Variants in ITIH2 observed in about 807,000 individuals in gnomAD.
ITIH2 encodes inter-alpha-trypsin inhibitor heavy chain 2.
A neutral mutation model predicts 104.4 loss-of-function variants in ITIH2; 103 were observed. That is an observed-to-expected ratio of 0.99 (90% CI 0.84 to 1.16). The LOEUF is 1.16. Among genes scored for constraint, ITIH2 ranks in the 50% most tolerant of loss-of-function variants. The probability of loss-of-function intolerance (pLI) is 0.00; values close to 1 mark genes in which losing one functional copy is unlikely to be tolerated. For synonymous variants in ITIH2, 436 were observed against 435.4 expected, an observed-to-expected ratio of 1.00 and a Z score of -0.02; for missense variants, 1,108 against 1,162.4, an observed-to-expected ratio of 0.95 and a Z score of 0.68.
intron 10 of ITIH2, 41 bp from the exon 11 acceptor site, chr10:7,727,662 C>T (rs373326533): frequency 1.7e-5 from 28 of 1,604,494 alleles, no homozygotes; most frequent in East Asian, 2.2e-5. Flanking sequence ...CTGCGTGTGG[C>T]GAGAACGCAT....
intron 2 of ITIH2, 112 bp from the exon 3 acceptor site, chr10:7,707,089 G>A (rs1206769131): frequency 1.5e-6 from 1 of 648,016 alleles, no homozygotes; most frequent in Non-Finnish European, 2.8e-6. Flanking sequence ...ATGAATAACA[G>A]CTCAGTATTG....
intron 19 of ITIH2, among the ~76,000 whole-genome samples, 174 bp downstream of exon 19, chr10:7,745,137 C>A (rs1207717035): frequency 6.6e-6 from 1 of 152,090 alleles, no homozygotes; most frequent in Non-Finnish European, 1.5e-5. Flanking sequence ...TTTTGCCATT[C>A]CAGACAAGGT....
At chr10:7,705,206 AG>A in intron 2 of ITIH2, 24 bp downstream of exon 2, 4 of 1,497,198 alleles carry the variant, frequency 2.7e-6, no homozygotes, top group Middle Eastern at 1.7e-4. Flanking sequence ...TACTCCCAAA[AG>A]GGGGAAAAAA....
chr10:7,737,672 C>G (rs62651618), intron 15 of ITIH2, among the ~76,000 whole-genome samples: 11 of 26,194 alleles, frequency 4.2e-4, no homozygotes, highest in South Asian at 3.0e-3. Context: ...ATATTATATT[C>G]TATATTTTCT....
chr10:7,721,653 A>C lies in ITIH2; in HGVS notation c.743A>C (p.His248Pro), dbSNP rs1834904163. 6.2e-7 allele frequency: 1 copy of C among 1,613,558 alleles called. No homozygotes were observed. Among genetic ancestry groups the C allele is most frequent in the Non-Finnish European group, 8.5e-7 (1 of 1,179,740 alleles). ...PVISKGQQKA[H>P]VSFKPTVAQQ... ...TGATGTCACCGTTCTTTCTAGGCGCACGTCTCCTTCAAGCCCACGGTAGCA... is the reference window on the plus strand; with the variant it reads ...TGATGTCACCGTTCTTTCTAGGCGCCCGTCTCCTTCAAGCCCACGGTAGCA... The change falls in exon 8 of 21, where the codon CAC (histidine) becomes CCC (proline). Residue 248 changes from histidine to proline, a missense_variant. His to Pro is a moderately conservative substitution (Grantham distance 77). Transcript: ENST00000358415.
intron 15 of ITIH2, among the ~76,000 whole-genome samples, chr10:7,735,322 C>A (rs1233235703): frequency 6.6e-6 from 1 of 152,136 alleles, no homozygotes; most frequent in East Asian, 1.9e-4. Context: ...ACCTGCGTAC[C>A]CCTTCCAACA....
chr10:7,742,016 T>G (rs1835128967), intron 16 of ITIH2, among the ~76,000 whole-genome samples: 1 of 152,212 alleles, frequency 6.6e-6, no homozygotes, highest in African/African-American at 2.4e-5. Flanking sequence ...ATTTTCATCT[T>G]CATTCTCACA....
intron 9 of ITIH2, among the ~76,000 whole-genome samples, chr10:7,724,141 A>C (rs986709064): frequency 1.6e-4 from 25 of 152,204 alleles, no homozygotes; most frequent in African/African-American, 5.3e-4. Context: ...AGACCAAACA[A>C]GGAAATGATT....
At chr10:7,732,579 C>G in intron 14 of ITIH2, 102 bp downstream of exon 14, 2 of 1,251,652 alleles carry the variant, frequency 1.6e-6, no homozygotes, top group South Asian at 2.8e-5. Flanking sequence ...GCAAGAAAGA[C>G]AGCACATTAG....
intron 16 of ITIH2, among the ~76,000 whole-genome samples, chr10:7,742,638 G>A (rs1048288019): frequency 9.9e-5 from 15 of 152,152 alleles, no homozygotes; most frequent in African/African-American, 3.4e-4. Context: ...CAGCTACTCA[G>A]GAGGCTGAGC....
chr10:7,717,333 T>C (rs776562722), intron 5 of ITIH2, among the ~76,000 whole-genome samples: 1 of 152,188 alleles, frequency 6.6e-6, no homozygotes, highest in Non-Finnish European at 1.5e-5. Context: ...ATGATAGATG[T>C]CAAATTCCTG....
rs1353447621 is a variant in ITIH2, at chr10:7,744,149, T to A, written c.2277T>A (p.Phe759Leu). 6.2e-7 allele frequency: 1 copy of A among 1,614,110 alleles called. No individual in the cohort carries two copies. The highest frequency in any genetic ancestry group is 1.1e-5 in the South Asian group (1 of 91,074). The part of the protein sequence containing the change: ...KPNNGKLSTY[F>L]GKLGFYFQSE... ...ACAATGGAAAACTAAGCACCTATTT[T>A]GGAAAACTGGGATTTTATTTCCAAA... The change falls in exon 18 of 21, where the codon TTT (phenylalanine) becomes TTA (leucine). Residue 759 changes from phenylalanine to leucine, a missense_variant. Phe to Leu is a conservative substitution (Grantham distance 22). Transcript: ENST00000358415.
At chr10:7,730,750 G>A (rs753613639) in intron 12 of ITIH2, among the ~76,000 whole-genome samples, 1 of 152,166 alleles carries the variant, frequency 6.6e-6, no homozygotes, top group East Asian at 1.9e-4. Flanking sequence ...TGTAGGGAAA[G>A]AACATGTTTT....
At chr10:7,709,586 C>A (rs1834777552) in intron 4 of ITIH2, among the ~76,000 whole-genome samples, 2 of 152,060 alleles carry the variant, frequency 1.3e-5, no homozygotes, top group South Asian at 4.1e-4. Context: ...AGTTGAGAAC[C>A]ACAGATTAAA....
Position 7,744,873 on chromosome 10 carries a change from GT to G in ITIH2, c.2494del (p.Trp832GlyfsTer28). 1 of 1,614,030 alleles carries G rather than the reference GT, an allele frequency of 6.2e-7. No homozygotes were observed. On this transcript the variant is annotated frameshift_variant, in exon 19 of 21. Transcript: ENST00000358415. LOFTEE classifies it high-confidence loss of function. Reference protein sequence around the residue: ...EMSFSVLLHRVWKKHPVNVDF... With the variant: ...EMSFSVLLHRXWKKHPVNVDF... ...GTCCTTTTCTGTTTTACTTCATCGT[GT>G]TTGGAAGAAGCATCCCGTCAATGTT...
Position 7,746,688 on chromosome 10 carries a change from A to G in ITIH2, c.2677A>G (p.Lys893Glu), listed in dbSNP as rs760492190. ...GGCCAGCATGGAAGTGAAGGGGCAG[A>G]AGCTGATCATCACCAGGTAGGCCTC... ...PEASMEVKGQ[K>E]LIITRGLQKD... The change falls in exon 20 of 21, where the codon AAG (lysine) becomes GAG (glutamate). Residue 893 changes from lysine (K) to glutamate (E), a missense_variant. Physicochemically the swap from Lys to Glu is moderately conservative, Grantham distance 56 (BLOSUM62 1). Coordinates refer to ENST00000358415, the MANE Select transcript of ITIH2 (RefSeq NM_002216.3). 1.2e-6 allele frequency: 2 copies of G among 1,612,058 alleles called. No homozygotes were observed. Among genetic ancestry groups the G allele is most frequent in the Non-Finnish European group, 1.7e-6 (2 of 1,178,214 alleles).
At chr10:7,721,033 T>A in intron 7 of ITIH2, 70 bp downstream of exon 7, 1 of 978,734 alleles carries the variant, frequency 1.0e-6, no homozygotes, top group Non-Finnish European at 1.6e-6. Flanking sequence ...TCTCCTTCTG[T>A]GCTCTGGAGA....
intron 9 of ITIH2, among the ~76,000 whole-genome samples, chr10:7,724,109 A>C (rs1258113462): frequency 1.3e-5 from 2 of 152,198 alleles, no homozygotes; most frequent in East Asian, 1.9e-4. Context: ...GTGATAAGTG[A>C]GATGTACAGA....
chr10:7,749,399 T>A lies in ITIH2; in HGVS notation c.*65T>A. 1.5e-6 allele frequency: 2 copies of A among 1,374,692 alleles called. No individual in the cohort carries two copies. The highest frequency in any genetic ancestry group is 2.0e-6 in the Non-Finnish European group (2 of 991,372). 85.2% of individuals were successfully genotyped at this position (1,374,692 alleles called of 1,614,324 possible). On this transcript the variant is annotated 3_prime_UTR_variant, in exon 21 of 21. Coordinates refer to ENST00000358415, the MANE Select transcript of ITIH2 (RefSeq NM_002216.3). ...CTTTCCCCTGTCACTTTTGCAGATATTCTTCGGTTTGAATAATTAAAATGA... is the reference window on the plus strand; with the variant it reads ...CTTTCCCCTGTCACTTTTGCAGATAATCTTCGGTTTGAATAATTAAAATGA...
Sources: allele counts gnomAD v4.1 joint callset (sites outside exome capture counted in the v4.1 genomes callset), GRCh38; gene constraint gnomAD v4.1.1; transcripts MANE v1.5; gene names NCBI Gene and HGNC (gene_info 2026-07-23, HGNC 2026-07-21).